Variants in ADGRV1 observed in about 807,000 individuals in gnomAD.
ADGRV1 encodes G-protein coupled receptor 98.
In ADGRV1, 359 loss-of-function variants were observed where a neutral mutation model predicts 596.2. That is an observed-to-expected ratio of 0.60 (90% confidence interval 0.55 to 0.66). The LOEUF (loss-of-function observed/expected upper bound fraction) is 0.66. ADGRV1 is among the 30% of genes least tolerant of loss of function. The pLI, the probability that ADGRV1 is intolerant of heterozygous loss-of-function variation, is 0.00. For missense variants in ADGRV1, 7,274 were observed against 7,575.6 expected, an observed-to-expected ratio of 0.96 and a Z score of 1.48; for synonymous variants, 2,681 against 2,679.2, an observed-to-expected ratio of 1.00 and a Z score of -0.02.
intron 85 of ADGRV1, among the ~76,000 whole-genome samples, chr5:91,028,493 C>T (rs533419514): frequency 7.9e-5 from 12 of 151,996 alleles, no homozygotes; most frequent in South Asian, 2.1e-4. Flanking sequence ...CTTTTTTGTC[C>T]GGCCCAATCC....
Position 90,823,435 on chromosome 5 carries a change from G to T in ADGRV1, c.16207G>T (p.Asp5403Tyr). Residue 5403 changes from aspartate (D) to tyrosine (Y), a missense_variant, in exon 76 of 90, where the codon GAT becomes TAT. Coordinates refer to ENST00000405460, the MANE Select transcript of ADGRV1 (RefSeq NM_032119.4). ...VTRQPNRAFE[D>Y]VKVFWRVTLN... The stretch of plus-strand genomic sequence containing the variant: ...GTTTCTTGCTCACAGGGCCTTTGAA[G>T]ATGTCAAGGTCTTTTGGCGAGTCAC... The T allele has an allele frequency of 6.2e-7, 1 of 1,613,704 alleles. No individual in the cohort carries two copies. Among genetic ancestry groups the T allele is most frequent in the Non-Finnish European group, 8.5e-7 (1 of 1,179,806 alleles).
At chr5:90,785,035 G>A (rs982640664) in intron 67 of ADGRV1, among the ~76,000 whole-genome samples, 1 of 152,164 alleles carries the variant, frequency 6.6e-6, no homozygotes, top group Non-Finnish European at 1.5e-5. Context: ...CAAGGCTACA[G>A]TAACCAAAAC....
intron 1 of ADGRV1, among the ~76,000 whole-genome samples, chr5:90,580,678 G>C (rs1757907406): frequency 6.6e-6 from 1 of 152,122 alleles, no homozygotes; most frequent in Non-Finnish European, 1.5e-5. Context: ...TCCCTTTGTG[G>C]GTAACCCAAC....
At chr5:91,016,614 AT>A (rs1187906912) in intron 85 of ADGRV1, among the ~76,000 whole-genome samples, 1 of 151,954 alleles carries the variant, frequency 6.6e-6, no homozygotes, top group Non-Finnish European at 1.5e-5. Flanking sequence ...AGATTGATGA[AT>A]TTTAGGTATC....
chr5:90,567,610 A>T (rs1429100410), intron 1 of ADGRV1, among the ~76,000 whole-genome samples: 1 of 152,062 alleles, frequency 6.6e-6, no homozygotes, highest in African/African-American at 2.4e-5. Context: ...GTTCATGGTC[A>T]TGCTTTATAT....
chr5:90,824,418 T>C (rs1763894240), intron 76 of ADGRV1, among the ~76,000 whole-genome samples: 1 of 152,256 alleles, frequency 6.6e-6, no homozygotes, highest in African/African-American at 2.4e-5. Context: ...TACAGCTATA[T>C]AGGAAAGTTG....
intron 85 of ADGRV1, among the ~76,000 whole-genome samples, chr5:91,054,781 A>T (rs371010977): frequency 6.6e-6 from 1 of 152,140 alleles, no homozygotes; most frequent in Non-Finnish European, 1.5e-5. Context: ...GGATTTCAAC[A>T]TGTAAATTTT....
At chr5:90,711,151 T>C in intron 40 of ADGRV1, 33 bp from the exon 41 acceptor site, 1 of 1,584,888 alleles carries the variant, frequency 6.3e-7, no homozygotes, top group African/African-American at 1.4e-5. Context: ...ATTAATTTTT[T>C]TTGTTTGTTT....
intron 1 of ADGRV1, among the ~76,000 whole-genome samples, chr5:90,596,645 T>G: frequency 6.6e-6 from 1 of 151,816 alleles, no homozygotes; most frequent in Admixed American, 6.5e-5. Flanking sequence ...CGAAAACCAG[T>G]CAGGCGTGGC....
intron 89 of ADGRV1, among the ~76,000 whole-genome samples, chr5:91,155,858 A>C (rs1796436552): frequency 6.6e-6 from 1 of 152,208 alleles, no homozygotes; most frequent in Non-Finnish European, 1.5e-5. Context: ...TTTAGAAGCA[A>C]TATCAGAAAG....
intron 17 of ADGRV1, among the ~76,000 whole-genome samples, chr5:90,648,443 T>C (rs935918309): frequency 6.6e-6 from 1 of 152,156 alleles, no homozygotes; most frequent in Non-Finnish European, 1.5e-5. Context: ...GGTAAAGACA[T>C]GATGTCCTAT....
chr5:90,997,176 GAT>G (rs1781488462), intron 85 of ADGRV1, among the ~76,000 whole-genome samples: 1 of 152,106 alleles, frequency 6.6e-6, no homozygotes, highest in Non-Finnish European at 1.5e-5. Context: ...GTGGTAGTAT[GAT>G]ATAGTTTGGT....
chr5:91,043,812 T>C (rs1785565002), intron 85 of ADGRV1, among the ~76,000 whole-genome samples: 1 of 151,924 alleles, frequency 6.6e-6, no homozygotes, highest in Admixed American at 6.6e-5. Flanking sequence ...GTATGCCCTC[T>C]CCAAATGTCA....
intron 1 of ADGRV1, among the ~76,000 whole-genome samples, chr5:90,612,606 G>C (rs1192251733): frequency 6.6e-6 from 1 of 151,980 alleles, no homozygotes; most frequent in Admixed American, 6.6e-5. Flanking sequence ...TCTTCATAGA[G>C]ATATTGTAAG....
chr5:90,971,939 G>A (rs1310595928), intron 84 of ADGRV1, among the ~76,000 whole-genome samples: 1 of 152,184 alleles, frequency 6.6e-6, no homozygotes, highest in African/African-American at 2.4e-5. Flanking sequence ...CCATCAGTGT[G>A]CTGTATTCAG....
chr5:91,016,655 C>A (rs1228065390), intron 85 of ADGRV1, among the ~76,000 whole-genome samples: 4 of 151,824 alleles, frequency 2.6e-5, no homozygotes, highest in African/African-American at 4.8e-5. Flanking sequence ...TCAGAGATGA[C>A]GCTCACCTGC....
At chr5:90,595,475 C>T (rs1188206240) in intron 1 of ADGRV1, among the ~76,000 whole-genome samples, 2 of 86,034 alleles carry the variant, frequency 2.3e-5, no homozygotes, top group Non-Finnish European at 5.1e-5. Flanking sequence ...GGCGGCTGGC[C>T]GGGCAGAGGG....
intron 53 of ADGRV1, among the ~76,000 whole-genome samples, chr5:90,753,230 C>T (rs1416872160): frequency 6.6e-6 from 1 of 152,106 alleles, no homozygotes; most frequent in Admixed American, 6.6e-5. Flanking sequence ...AGTATGCCAC[C>T]TTATTTTACT....
At chr5:90,563,515 C>T (rs186679992) in intron 1 of ADGRV1, among the ~76,000 whole-genome samples, 27 of 152,310 alleles carry the variant, frequency 1.8e-4, no homozygotes, top group Admixed American at 1.7e-3. Context: ...AAATGTGGCA[C>T]AGGTTGAAAG....
Sources: allele counts gnomAD v4.1 joint callset (sites outside exome capture counted in the v4.1 genomes callset), GRCh38; gene constraint gnomAD v4.1.1; transcripts MANE v1.5; gene names NCBI Gene and HGNC (gene_info 2026-07-23, HGNC 2026-07-21).